The following HSDL2 variants were observed in gnomAD, a reference collection of about 807,000 sequenced individuals.
HSDL2 encodes hydroxysteroid dehydrogenase-like protein 2.
In HSDL2, 27 loss-of-function variants were observed where a neutral mutation model predicts 46.3. The ratio of observed to expected loss-of-function variants is 0.58; its 90% CI spans 0.43 to 0.80. The LOEUF is 0.80. Ranked by LOEUF, HSDL2 falls within the 30% of genes least tolerant of loss-of-function variation. The pLI is 0.00. For synonymous variants in HSDL2, 153 were observed against 163.6 expected (o/e 0.94, Z 0.50); for missense variants, 451 against 502.7 (o/e 0.90, Z 0.98).
intron 1 of HSDL2, among the ~76,000 whole-genome samples, chr9:112,391,508 A>C (rs1394150319): frequency 2.0e-5 from 3 of 152,156 alleles, no homozygotes; most frequent in African/African-American, 7.2e-5. Context: ...AGACACTATA[A>C]AAATAGTGAA....
At chr9:112,384,890 G>A (rs760700546) in intron 1 of HSDL2, among the ~76,000 whole-genome samples, 1 of 151,708 alleles carries the variant, frequency 6.6e-6, no homozygotes, top group African/African-American at 2.4e-5. Flanking sequence ...CAGCTGCATC[G>A]AAAGAAAAAC....
chr9:112,393,608 A>C (rs2132604064), intron 1 of HSDL2, among the ~76,000 whole-genome samples: 2 of 152,330 alleles, frequency 1.3e-5, no homozygotes, highest in Middle Eastern at 6.8e-3. Flanking sequence ...CAGTGACTGT[A>C]ATTAGGCCCA....
intron 1 of HSDL2, among the ~76,000 whole-genome samples, chr9:112,391,659 A>G (rs1485152827): frequency 6.6e-6 from 1 of 151,656 alleles, no homozygotes; most frequent in Non-Finnish European, 1.5e-5. Context: ...TAATCCCAGC[A>G]CTTTGGGAGG....
At chr9:112,461,370 C>T (rs1339660623) in intron 10 of HSDL2, among the ~76,000 whole-genome samples, 1 of 152,142 alleles carries the variant, frequency 6.6e-6, no homozygotes, top group Non-Finnish European at 1.5e-5. Flanking sequence ...TGAGCCACCG[C>T]GCCCGGCCCC....
At chr9:112,390,446 G>T (rs944736594) in intron 1 of HSDL2, among the ~76,000 whole-genome samples, 2 of 152,040 alleles carry the variant, frequency 1.3e-5, no homozygotes, top group African/African-American at 4.8e-5. Context: ...GTAGATTAAA[G>T]ACCAAACTTA....
At chr9:112,453,013 C>T (rs761401795) in intron 8 of HSDL2, among the ~76,000 whole-genome samples, 5 of 150,952 alleles carry the variant, frequency 3.3e-5, no homozygotes, top group Admixed American at 6.6e-5. Context: ...ATAAGTGAGA[C>T]AGGGAGAAGA....
chr9:112,386,034 A>T lies in HSDL2; in HGVS notation c.17+5854A>T, dbSNP rs541196659. Among the ~76,000 whole-genome samples, 239 of 152,102 alleles carry T rather than the reference A, an allele frequency of 1.6e-3. 2 individuals carry two copies. The highest frequency in any genetic ancestry group is 0.014 in the Middle Eastern group (4 of 294). ...GCAATCCACCCACCTCAGCCTCCCA[A>T]AGTGTTGTGATTACAGGCATGAACC... is the stretch of plus-strand genomic sequence containing the variant. On this transcript the variant is annotated intron_variant, in intron 1 of 10. Transcript: ENST00000398805.
intron 1 of HSDL2, among the ~76,000 whole-genome samples, chr9:112,397,732 A>G (rs1454407461): frequency 6.6e-6 from 1 of 152,142 alleles, no homozygotes; most frequent in Non-Finnish European, 1.5e-5. Context: ...AAATGCTGAG[A>G]TGGAGTTAGA....
chr9:112,462,290 C>T (rs1266189723), intron 10 of HSDL2, among the ~76,000 whole-genome samples: 1 of 152,054 alleles, frequency 6.6e-6, no homozygotes, highest in Non-Finnish European at 1.5e-5. Flanking sequence ...AGGGCAAAAC[C>T]CTGTCTCTAC....
At chr9:112,463,155 T>G (rs749379739) in intron 10 of HSDL2, among the ~76,000 whole-genome samples, 1 of 152,232 alleles carries the variant, frequency 6.6e-6, no homozygotes, top group Non-Finnish European at 1.5e-5. Context: ...ATTGCTGCTA[T>G]GAACATTCTC....
rs59788116 is a variant in HSDL2, at chr9:112,418,562, C to CAAAA, written c.500-286_500-283dup. Among the ~76,000 whole-genome samples, 454 of 127,716 alleles carry CAAAA rather than the reference C, an allele frequency of 3.6e-3. 4 individuals carry two copies. The highest frequency in any genetic ancestry group is 0.012 in the African/African-American group (431 of 35,012). The allele number at this position is 127,716 out of a possible 152,430, so 83.8% of individuals were successfully genotyped here. A position where few individuals can be genotyped will look rare whatever the true frequency, so the allele number is the denominator to read the frequency against. Reference sequence around the variant, plus strand: ...CACACCACTGCACTCCAGCCTGTCTCAAAAAAAAAAAAAAAGTATGTGTAT... The same window carrying CAAAA: ...CACACCACTGCACTCCAGCCTGTCTCAAAAAAAAAAAAAAAAAAAGTATGTGTAT... On this transcript the variant is annotated intron_variant, in intron 5 of 10. Coordinates refer to ENST00000398805, the MANE Select transcript of HSDL2 (RefSeq NM_032303.5).
rs1384398597 is a variant in HSDL2 at position 112,438,704 on chromosome 9, T to C, written c.793+79T>C. ...AATGAACATATCTGTTTTTTGTGTG[T>C]GTTTGTGTGATTGTAAAATGAATGT... On this transcript the variant is annotated intron_variant, in intron 7 of 10. Coordinates refer to ENST00000398805, the MANE Select transcript of HSDL2 (RefSeq NM_032303.5). 4 of 832,766 alleles carry C rather than the reference T, an allele frequency of 4.8e-6. No individual in the cohort carries two copies. The East Asian group carries it at 8.0e-5, about 17-fold the overall frequency. 51.6% of individuals were successfully genotyped at this position (832,766 alleles called of 1,614,324 possible). A position where few individuals can be genotyped will look rare whatever the true frequency, so the allele number is the denominator to read the frequency against.
At chr9:112,455,612 C>G (rs541747932) in intron 9 of HSDL2, among the ~76,000 whole-genome samples, 1 of 152,314 alleles carries the variant, frequency 6.6e-6, no homozygotes, top group African/African-American at 2.4e-5. Context: ...TTGACTATTG[C>G]CCCGCTTCAG....
intron 6 of HSDL2, among the ~76,000 whole-genome samples, chr9:112,424,095 C>T (rs969467190): frequency 7.9e-5 from 12 of 151,150 alleles, no homozygotes; most frequent in East Asian, 6.0e-4. Context: ...CTGAGGTGGG[C>T]GGATCACGAG....
chr9:112,465,962 A>C (rs928033650), intron 10 of HSDL2, among the ~76,000 whole-genome samples: 3 of 152,244 alleles, frequency 2.0e-5, no homozygotes, highest in Non-Finnish European at 4.4e-5. Flanking sequence ...AGAATTGCCA[A>C]AAGGTTTTTC....
chr9:112,452,946 TAGTC>T (rs755986821), intron 8 of HSDL2, among the ~76,000 whole-genome samples: 13 of 152,312 alleles, frequency 8.5e-5, no homozygotes, highest in African/African-American at 1.7e-4. Flanking sequence ...GGCAGCCTGT[TAGTC>T]AGGGGACTAA....
At chr9:112,435,078 G>A (rs927015231) in intron 6 of HSDL2, among the ~76,000 whole-genome samples, 1 of 152,056 alleles carries the variant, frequency 6.6e-6, no homozygotes, top group African/African-American at 2.4e-5. Flanking sequence ...TATTGGGTTA[G>A]CTTGTTGGCA....
intron 7 of HSDL2, among the ~76,000 whole-genome samples, chr9:112,441,005 C>CT (rs1408430701): frequency 6.6e-6 from 1 of 151,624 alleles, no homozygotes; most frequent in Non-Finnish European, 1.5e-5. Context: ...GAGACTCCGT[C>CT]TCAAAAAATA....
At chr9:112,413,306 C>T (rs1266295083) in intron 4 of HSDL2, among the ~76,000 whole-genome samples, 1 of 151,520 alleles carries the variant, frequency 6.6e-6, no homozygotes, top group Admixed American at 6.6e-5. Flanking sequence ...TGGAGAAACC[C>T]CGTCTCTACT....
Sources: gnomAD v4.1 joint callset for allele counts (sites outside exome capture counted in the v4.1 genomes callset) on GRCh38, gnomAD v4.1.1 for gene constraint, MANE v1.5 for transcripts, NCBI Gene and HGNC (gene_info 2026-07-23, HGNC 2026-07-21) for gene names.